The following RNGTT variants were observed in gnomAD, a reference collection of about 807,000 sequenced individuals.
RNGTT encodes mRNA-capping enzyme.
RNGTT carries 33 observed loss-of-function variants against 79.3 expected under a neutral mutation model. That is an observed-to-expected ratio of 0.42 (90% CI 0.32 to 0.56). The LOEUF is 0.56. Among genes scored for constraint, RNGTT ranks in the 20% least tolerant of loss-of-function variants. The pLI, the probability that RNGTT is intolerant of heterozygous loss-of-function variation, is 0.17. For synonymous variants in RNGTT, 222 were observed against 235.9 expected, an observed-to-expected ratio of 0.94 and a Z score of 0.54; for missense variants, 497 against 739.1, an observed-to-expected ratio of 0.67 and a Z score of 3.80.
intron 12 of RNGTT, among the ~76,000 whole-genome samples, chr6:88,780,845 A>G (rs72925558): frequency 0.014 from 2,141 of 152,346 alleles, 19 homozygotes; most frequent in Middle Eastern, 0.027. Flanking sequence ...TAAGGTGGAC[A>G]GGAAGCTAAC....
chr6:88,696,974 A>G (rs1205943237), intron 13 of RNGTT, among the ~76,000 whole-genome samples: 1 of 152,204 alleles, frequency 6.6e-6, no homozygotes, highest in Non-Finnish European at 1.5e-5. Context: ...AGCTGTTCCA[A>G]TAATAGCTAT....
chr6:88,936,291 GA>G (rs1283870900), intron 2 of RNGTT, among the ~76,000 whole-genome samples: 1 of 152,140 alleles, frequency 6.6e-6, no homozygotes, highest in Non-Finnish European at 1.5e-5. Context: ...TTTTCTGGTG[GA>G]ATCATTAAGT....
At chr6:88,946,293 T>C (rs927912706) in intron 1 of RNGTT, among the ~76,000 whole-genome samples, 2 of 152,162 alleles carry the variant, frequency 1.3e-5, no homozygotes, top group Non-Finnish European at 2.9e-5. Flanking sequence ...TGGAGTGCCA[T>C]GAACAACACC....
At chr6:88,723,583 C>T (rs1381222346) in intron 13 of RNGTT, among the ~76,000 whole-genome samples, 2 of 151,850 alleles carry the variant, frequency 1.3e-5, no homozygotes, top group Admixed American at 6.6e-5. Flanking sequence ...TCACTACCTG[C>T]AACATCTTAG....
intron 14 of RNGTT, among the ~76,000 whole-genome samples, chr6:88,663,224 C>T (rs1774256195): frequency 6.6e-6 from 1 of 151,978 alleles, no homozygotes; most frequent in Non-Finnish European, 1.5e-5. Context: ...CTGTTAGGAA[C>T]TATGTTAAAG....
chr6:88,814,113 T>A (rs1780235197), intron 11 of RNGTT, among the ~76,000 whole-genome samples: 1 of 152,056 alleles, frequency 6.6e-6, no homozygotes, highest in Non-Finnish European at 1.5e-5. Context: ...CATAAAAAAC[T>A]GTTAGAGAAG....
chr6:88,789,846 C>T lies in RNGTT; in HGVS notation c.1338+11718G>A, dbSNP rs9444645. 9.7e-3 allele frequency among the ~76,000 whole-genome samples: 1,484 copies of T among 152,288 alleles called. 17 individuals carry two copies. Among genetic ancestry groups the T allele is most frequent in the African/African-American group, 0.033 (1,392 of 41,562 alleles). On this transcript the variant is annotated intron_variant, in intron 12 of 15. Coordinates refer to ENST00000369485, the MANE Select transcript of RNGTT (RefSeq NM_003800.5). ...TGCCTGTGCTTCATCAGGACTTGTTCTCCACTTTATATACACTCACCCTTT... is the reference window on the plus strand; with the variant it reads ...TGCCTGTGCTTCATCAGGACTTGTTTTCCACTTTATATACACTCACCCTTT...
intron 4 of RNGTT, among the ~76,000 whole-genome samples, chr6:88,920,646 C>T (rs949919147): frequency 6.6e-5 from 10 of 152,070 alleles, no homozygotes; most frequent in Admixed American, 1.3e-4. Flanking sequence ...TTGAGAGAAG[C>T]CATTATAGGG....
At chr6:88,763,087 CTTTTTTTTTTTTT>C (rs59200191) in intron 13 of RNGTT, among the ~76,000 whole-genome samples, 11 of 95,524 alleles carry the variant, frequency 1.2e-4, no homozygotes, top group Non-Finnish European at 2.2e-4. Flanking sequence ...TCATGGCCAG[CTTTTTTTTTTTTT>C]TTTTTTTTTT....
chr6:88,618,110 CAATT>C (rs1772302722), intron 14 of RNGTT, among the ~76,000 whole-genome samples: 1 of 152,128 alleles, frequency 6.6e-6, no homozygotes, highest in African/African-American at 2.4e-5. Context: ...CTGACTGTAA[CAATT>C]AAGCAGTACT....
At chr6:88,902,244 T>A (rs1193000087) in intron 6 of RNGTT, among the ~76,000 whole-genome samples, 1 of 151,866 alleles carries the variant, frequency 6.6e-6, no homozygotes, top group Admixed American at 6.6e-5. Context: ...AAGATACACA[T>A]AGAATTAAAA....
chr6:88,836,699 A>C (rs1781092565), intron 11 of RNGTT, among the ~76,000 whole-genome samples: 1 of 152,088 alleles, frequency 6.6e-6, no homozygotes, highest in Admixed American at 6.6e-5. Flanking sequence ...TTGTCATCAA[A>C]CCACTCCACT....
intron 13 of RNGTT, among the ~76,000 whole-genome samples, chr6:88,686,669 G>GA (rs1209555367): frequency 2.0e-5 from 3 of 152,064 alleles, no homozygotes; most frequent in Non-Finnish European, 4.4e-5. Flanking sequence ...GAGCAGAAGT[G>GA]AAAGGATAAT....
At chr6:88,690,684 T>C (rs1775446390) in intron 13 of RNGTT, among the ~76,000 whole-genome samples, 1 of 152,076 alleles carries the variant, frequency 6.6e-6, no homozygotes, top group African/African-American at 2.4e-5. Flanking sequence ...CAGTCCAGCC[T>C]CGGTGACAGA....
intron 8 of RNGTT, among the ~76,000 whole-genome samples, chr6:88,864,953 T>C (rs576615392): frequency 6.6e-6 from 1 of 152,178 alleles, no homozygotes; most frequent in South Asian, 2.1e-4. Context: ...AGTTACTGTT[T>C]AATGAGTATA....
chr6:88,892,971 C>G (rs966909533), intron 6 of RNGTT, among the ~76,000 whole-genome samples: 7 of 152,020 alleles, frequency 4.6e-5, no homozygotes, highest in Admixed American at 6.5e-5. Flanking sequence ...CTGTCTTCTA[C>G]TTTGCTTTCC....
chr6:88,795,189 C>T (rs1157517438), intron 12 of RNGTT, among the ~76,000 whole-genome samples: 8 of 152,108 alleles, frequency 5.3e-5, no homozygotes, highest in Non-Finnish European at 1.0e-4. Flanking sequence ...TAAGGTGATA[C>T]GAAAGAAACC....
intron 12 of RNGTT, among the ~76,000 whole-genome samples, chr6:88,772,745 A>G (rs1424577633): frequency 6.6e-6 from 1 of 152,020 alleles, no homozygotes; most frequent in African/African-American, 2.4e-5. Context: ...GCCATCAGAG[A>G]AATGCAAATC....
At chr6:88,645,864 A>G (rs1773529652) in intron 14 of RNGTT, among the ~76,000 whole-genome samples, 1 of 152,264 alleles carries the variant, frequency 6.6e-6, no homozygotes, top group Admixed American at 6.5e-5. Context: ...AAGATGGATT[A>G]AAGACTTAAA....
Sources: allele counts gnomAD v4.1 joint callset (sites outside exome capture counted in the v4.1 genomes callset), GRCh38; gene constraint gnomAD v4.1.1; transcripts MANE v1.5; gene names NCBI Gene and HGNC (gene_info 2026-07-23, HGNC 2026-07-21).